Variants in TEX101 observed in about 807,000 individuals in gnomAD.
The protein encoded by TEX101 is testis-expressed protein 101.
In TEX101, 10 loss-of-function variants were observed where a neutral mutation model predicts 18.1. The observed-to-expected ratio is 0.55, with a 90% CI of 0.34 to 0.94. The LOEUF is 0.94. Among genes scored for constraint, TEX101 ranks in the 40% least tolerant of loss-of-function variants. TEX101 has a pLI of 0.02. For missense variants in TEX101, 259 were observed against 298.9 expected, an observed-to-expected ratio of 0.87 and a Z score of 0.98; for synonymous variants, 94 against 114.8, an observed-to-expected ratio of 0.82 and a Z score of 1.16.
upstream of TEX101, among the ~76,000 whole-genome samples, chr19:43,410,899 C>T (rs989863484): frequency 6.6e-6 from 1 of 152,152 alleles, no homozygotes; most frequent in African/African-American, 2.4e-5. Flanking sequence ...GGGTCTTGCT[C>T]TGTCACCAGA....
chr19:43,404,249 T>G (rs1349382917), intron 2 of TEX101, among the ~76,000 whole-genome samples: 1 of 152,034 alleles, frequency 6.6e-6, no homozygotes, highest in Non-Finnish European at 1.5e-5. Flanking sequence ...AAAAGGCAAT[T>G]TCTTGGGTTT....
In TEX101 at chr19:43,406,464, G is replaced by C. The variant is rs186536094; in HGVS notation, c.-41G>C. 2.2e-4 allele frequency: 172 copies of C among 769,738 alleles called. 1 individual carries two copies. The East Asian group carries it at 4.2e-3, about 19-fold the overall frequency. 47.7% of individuals were successfully genotyped at this position (769,738 alleles called of 1,614,324 possible). A position where few individuals can be genotyped will look rare whatever the true frequency, so the allele number is the denominator to read the frequency against. ...GAAAGGCGGTGAAGAGACAGGAGAG[G>C]GGGATCGGTGGGCGGTCCCGCCTCC... On this transcript the variant is annotated 5_prime_UTR_variant, in exon 3 of 8. Coordinates refer to the TEX101 transcript ENST00000602198.
At chr19:43,402,356 G>T (rs1183967515) in intron 1 of TEX101, among the ~76,000 whole-genome samples, 1 of 152,202 alleles carries the variant, frequency 6.6e-6, no homozygotes, top group Non-Finnish European at 1.5e-5. Context: ...AAGCAGGCAG[G>T]TCTAGAGTTG....
chr19:43,414,816 C>A, upstream of TEX101: 1 of 984,148 alleles, frequency 1.0e-6, no homozygotes, highest in South Asian at 4.7e-5. Flanking sequence ...ATCCAATGAA[C>A]TTATCCGATG....
At chr19:43,397,836 TTATATAAATATATAATA>T (rs1313373746), upstream of TEX101, among the ~76,000 whole-genome samples, 38 of 112,474 alleles carry the variant, frequency 3.4e-4, no homozygotes, top group South Asian at 2.1e-3. Context: ...AATATATATT[TTATATAAATATATAATA>T]TATATAAATA....
At chr19:43,397,819 A>G (rs1389854843), upstream of TEX101, among the ~76,000 whole-genome samples, 1 of 118,394 alleles carries the variant, frequency 8.4e-6, no homozygotes, top group East Asian at 2.1e-4. Context: ...AAATATAAAT[A>G]TATAAAAATA....
rs1357858618 is a variant in TEX101, at chr19:43,416,463, T to C, written c.299T>C (p.Leu100Pro). ...GTCCAGCACTCTTCACCTCCCGGCC[T>C]GATCGTGACCTCCTACAGTAACTAC... ...TIVQHSSPPG[L>P]IVTSYSNYCE... The change falls in exon 4 of 6, where the codon CTG becomes CCG. Residue 100 changes from leucine to proline, a missense_variant. Transcript: ENST00000598265. 1.2e-6 allele frequency: 2 copies of C among 1,614,216 alleles called. No homozygotes were observed. The highest frequency in any genetic ancestry group is 1.7e-6 in the Non-Finnish European group (2 of 1,180,030).
At chr19:43,418,043 G>A in intron 5 of TEX101, 37 bp downstream of exon 5, 2 of 1,613,954 alleles carry the variant, frequency 1.2e-6, no homozygotes, top group Non-Finnish European at 1.7e-6. Flanking sequence ...TTCAGAGGCT[G>A]GAAAACCATT....
the TEX101 span, among the ~76,000 whole-genome samples, chr19:43,390,102 C>A: frequency 4.6e-5 from 7 of 152,218 alleles, no homozygotes; most frequent in Non-Finnish European, 8.8e-5. Context: ...CCTCCACTGT[C>A]CTCCTGAGCA....
chr19:43,407,354 G>A (rs554213201), intron 3 of TEX101, among the ~76,000 whole-genome samples: 5 of 152,022 alleles, frequency 3.3e-5, no homozygotes, highest in Admixed American at 6.6e-5. Context: ...GCGTGGTGGC[G>A]CATGCCTGTA....
the TEX101 span, among the ~76,000 whole-genome samples, chr19:43,390,626 C>A: frequency 6.6e-6 from 1 of 151,480 alleles, no homozygotes; most frequent in Non-Finnish European, 1.5e-5. Context: ...TGCCACCACG[C>A]CCGGCTAATT....
intron 3 of TEX101, among the ~76,000 whole-genome samples, chr19:43,407,816 A>C (rs1427943282): frequency 2.0e-5 from 3 of 152,230 alleles, no homozygotes; most frequent in African/African-American, 7.2e-5. Context: ...TTGAGGCCCC[A>C]TGCGGAGAGC....
intron 2 of TEX101, among the ~76,000 whole-genome samples, chr19:43,403,940 G>A (rs1568455447): frequency 6.6e-6 from 1 of 151,972 alleles, no homozygotes; most frequent in Non-Finnish European, 1.5e-5. Flanking sequence ...TCGGGAGGCT[G>A]AGGCAGGAGA....
chr19:43,416,812 C>T (rs1270181524), intron 4 of TEX101, among the ~76,000 whole-genome samples: 1 of 151,944 alleles, frequency 6.6e-6, no homozygotes, highest in African/African-American at 2.4e-5. Context: ...TGAGGTGGAT[C>T]GCCTGAGGTC....
the TEX101 span, among the ~76,000 whole-genome samples, chr19:43,396,025 G>A: frequency 1.3e-5 from 2 of 152,144 alleles, no homozygotes; most frequent in South Asian, 2.1e-4. Context: ...TGTGGGTCCC[G>A]AAACCTTCCA....
the TEX101 span, among the ~76,000 whole-genome samples, chr19:43,393,676 T>C: frequency 6.6e-6 from 1 of 152,198 alleles, no homozygotes; most frequent in South Asian, 2.1e-4. Context: ...TGATGCTCTG[T>C]GCCCGATACT....
upstream of TEX101, among the ~76,000 whole-genome samples, chr19:43,413,815 T>C (rs935140656): frequency 3.9e-5 from 6 of 151,948 alleles, no homozygotes; most frequent in Admixed American, 3.9e-4. Context: ...TAGCCAGGTG[T>C]GGTGGCAGGT....
At chr19:43,391,209 G>A in the TEX101 span, among the ~76,000 whole-genome samples, 1 of 152,130 alleles carries the variant, frequency 6.6e-6, no homozygotes, top group African/African-American at 2.4e-5. Flanking sequence ...TATGAACAAA[G>A]ACATGCAAAT....
chr19:43,416,522 C>G lies in TEX101; in HGVS notation c.358C>G (p.Leu120Val). The change falls in exon 4 of 6, where the codon CTG becomes GTG. Residue 120 changes from leucine to valine, a missense_variant. Coordinates refer to ENST00000598265, the MANE Select transcript of TEX101 (RefSeq NM_001130011.3). ...EDSFCNDKDS[L>V]SQFWEFSETT... ...TTCCTTCTGTAATGACAAAGACAGC[C>G]TGTCTCAGTTTTGGGAGTTCAGTGA... is the stretch of plus-strand genomic sequence containing the variant. The G allele has an allele frequency of 6.2e-7, 1 of 1,614,022 alleles. No individual in the cohort carries two copies. The highest frequency in any genetic ancestry group is 8.5e-7 in the Non-Finnish European group (1 of 1,179,958).
Sources: allele counts gnomAD v4.1 joint callset (sites outside exome capture counted in the v4.1 genomes callset), GRCh38; gene constraint gnomAD v4.1.1; transcripts MANE v1.5; gene names NCBI Gene and HGNC (gene_info 2026-07-23, HGNC 2026-07-21).